The following SLC44A5 variants were observed in gnomAD, a reference collection of about 807,000 sequenced individuals.
SLC44A5 encodes solute carrier family 44 member 5.
SLC44A5 carries 57 observed loss-of-function variants against 101.8 expected under a neutral mutation model. The ratio of observed to expected loss-of-function variants is 0.56; its 90% confidence interval spans 0.45 to 0.70. The LOEUF (loss-of-function observed/expected upper bound fraction) is 0.70. SLC44A5 is among the 30% of genes least tolerant of loss of function. The pLI is 0.00. For missense variants in SLC44A5, 737 were observed against 853.1 expected (o/e 0.86, Z 1.70); for synonymous variants, 281 against 290.9 (o/e 0.97, Z 0.35).
chr1:75,501,890 C>T (rs1668979453), intron 2 of SLC44A5, among the ~76,000 whole-genome samples: 1 of 152,136 alleles, frequency 6.6e-6, no homozygotes, highest in Non-Finnish European at 1.5e-5. Flanking sequence ...TAATTAACTT[C>T]CATAGTTCTT....
the SLC44A5 span, among the ~76,000 whole-genome samples, chr1:75,701,776 A>C: frequency 6.6e-6 from 1 of 152,202 alleles, no homozygotes; most frequent in African/African-American, 2.4e-5. Flanking sequence ...TCAGCCCAAA[A>C]TCTCCTTAAG....
chr1:75,500,415 A>G (rs1668895380), intron 2 of SLC44A5, among the ~76,000 whole-genome samples: 1 of 152,180 alleles, frequency 6.6e-6, no homozygotes, highest in Non-Finnish European at 1.5e-5. Flanking sequence ...TGGAAGATAA[A>G]CAAAAGTAAT....
intron 2 of SLC44A5, among the ~76,000 whole-genome samples, chr1:75,463,697 A>G (rs936259919): frequency 4.6e-5 from 7 of 152,198 alleles, no homozygotes; most frequent in African/African-American, 1.7e-4. Flanking sequence ...CTCATCCTGC[A>G]AGAAATGTTA....
chr1:75,574,885 G>T (rs568311732), intron 1 of SLC44A5, among the ~76,000 whole-genome samples: 1 of 152,224 alleles, frequency 6.6e-6, no homozygotes, highest in East Asian at 1.9e-4. Context: ...ACACAAAAGG[G>T]CTGGCCAGGT....
intron 1 of SLC44A5, among the ~76,000 whole-genome samples, chr1:75,544,905 T>C (rs1222976395): frequency 6.6e-6 from 1 of 152,176 alleles, no homozygotes; most frequent in Non-Finnish European, 1.5e-5. Flanking sequence ...GGGGTACATG[T>C]GCAGTTTTGT....
At chr1:75,383,313 G>C (rs905505589) in intron 3 of SLC44A5, among the ~76,000 whole-genome samples, 1 of 133,968 alleles carries the variant, frequency 7.5e-6, no homozygotes, top group African/African-American at 2.9e-5. Context: ...AGAGGCTGGC[G>C]GGATCCTCCA....
the SLC44A5 span, among the ~76,000 whole-genome samples, chr1:75,713,937 C>T: frequency 6.6e-5 from 10 of 151,524 alleles, no homozygotes; most frequent in East Asian, 1.9e-4. Context: ...CAAGTAGCTG[C>T]GTGTACAGGT....
the SLC44A5 span, among the ~76,000 whole-genome samples, chr1:75,704,090 A>G: frequency 0.91 from 137,955 of 152,134 alleles, 62,754 homozygotes; most frequent in Middle Eastern, 0.94. Context: ...CTAATGAATC[A>G]ATGTGTTACA....
intron 1 of SLC44A5, among the ~76,000 whole-genome samples, chr1:75,543,702 T>C: frequency 6.8e-6 from 1 of 148,090 alleles, no homozygotes. Flanking sequence ...TATATACATA[T>C]ATATATATAA....
chr1:75,688,323 C>A, the SLC44A5 span, among the ~76,000 whole-genome samples: 1 of 152,180 alleles, frequency 6.6e-6, no homozygotes, highest in Non-Finnish European at 1.5e-5. Flanking sequence ...TCCCATCTTT[C>A]TTTAAACCTT....
At chr1:75,708,892 AC>A in the SLC44A5 span, among the ~76,000 whole-genome samples, 1 of 152,196 alleles carries the variant, frequency 6.6e-6, no homozygotes, top group Non-Finnish European at 1.5e-5. Context: ...ATTAGCCGGT[AC>A]TTATAATCTT....
chr1:75,339,657 G>A, intron 3 of SLC44A5, 27 bp from the exon 4 acceptor site: 1 of 1,586,404 alleles, frequency 6.3e-7, no homozygotes, highest in Non-Finnish European at 8.6e-7. Flanking sequence ...GACATTTTAA[G>A]CATATAAGCC....
chr1:75,701,000 T>C, the SLC44A5 span, among the ~76,000 whole-genome samples: 3 of 152,104 alleles, frequency 2.0e-5, no homozygotes, highest in Admixed American at 6.6e-5. Flanking sequence ...GGCTCTGAAA[T>C]AGAGGCAATA....
At chr1:75,541,168 A>AC (rs1171378690) in intron 2 of SLC44A5, among the ~76,000 whole-genome samples, 1 of 152,132 alleles carries the variant, frequency 6.6e-6, no homozygotes, top group Admixed American at 6.5e-5. Context: ...TTTACAAACC[A>AC]CATACCCCCA....
chr1:75,297,127 T>G (rs1654025627), intron 5 of SLC44A5, among the ~76,000 whole-genome samples: 1 of 152,076 alleles, frequency 6.6e-6, no homozygotes, highest in Non-Finnish European at 1.5e-5. Flanking sequence ...TTTTACTTTC[T>G]CAGCTACTAG....
At chr1:75,640,434 C>T in the SLC44A5 span, among the ~76,000 whole-genome samples, 1 of 152,140 alleles carries the variant, frequency 6.6e-6, no homozygotes, top group South Asian at 2.1e-4. Flanking sequence ...AGTCAATGGT[C>T]AAGCCCAGAG....
At chr1:75,667,586 T>A in the SLC44A5 span, among the ~76,000 whole-genome samples, 1 of 152,058 alleles carries the variant, frequency 6.6e-6, no homozygotes, top group East Asian at 1.9e-4. Context: ...TACTTTAAAC[T>A]TCATATGGAA....
intron 2 of SLC44A5, among the ~76,000 whole-genome samples, chr1:75,417,561 G>C (rs1663735475): frequency 6.6e-6 from 1 of 152,252 alleles, no homozygotes; most frequent in Admixed American, 6.5e-5. Context: ...ACTGGCAAAA[G>C]AAACAGAAGT....
chr1:75,683,690 G>T, the SLC44A5 span, among the ~76,000 whole-genome samples: 4 of 151,980 alleles, frequency 2.6e-5, no homozygotes, highest in Non-Finnish European at 5.9e-5. Flanking sequence ...GCACCAGCAT[G>T]GCACATGTAT....
Sources: gnomAD v4.1 joint callset for allele counts (sites outside exome capture counted in the v4.1 genomes callset) on GRCh38, gnomAD v4.1.1 for gene constraint, MANE v1.5 for transcripts, NCBI Gene and HGNC (gene_info 2026-07-23, HGNC 2026-07-21) for gene names.